FHIT: variants seen among roughly 807,000 people sequenced by gnomAD.
FHIT encodes fragile histidine triad diadenosine triphosphatase.
FHIT carries 19 observed loss-of-function variants against 17.9 expected under a neutral mutation model. The ratio of observed to expected loss-of-function variants is 1.06; its 90% confidence interval spans 0.74 to 1.56. The LOEUF (loss-of-function observed/expected upper bound fraction) is 1.56. Among genes scored for constraint, FHIT ranks in the 40% most tolerant of loss-of-function variants. The pLI is 0.00. For missense variants in FHIT, 248 were observed against 189.2 expected (o/e 1.31, Z -1.82); for synonymous variants, 81 against 69.7 (o/e 1.16, Z -0.81).
chr3:61,241,924 C>A (rs1396486837), intron 1 of FHIT, among the ~76,000 whole-genome samples: 1 of 152,170 alleles, frequency 6.6e-6, no homozygotes, highest in African/African-American at 2.4e-5. Context: ...GGCAAAAACA[C>A]TCTTTTTCCC....
chr3:60,181,929 A>G (rs1020602902), intron 5 of FHIT, among the ~76,000 whole-genome samples: 1 of 152,204 alleles, frequency 6.6e-6, no homozygotes, highest in Non-Finnish European at 1.5e-5. Flanking sequence ...CACCTTATGC[A>G]TGATGCTCTG....
intron 5 of FHIT, among the ~76,000 whole-genome samples, chr3:60,455,116 G>T (rs2032007171): frequency 6.6e-6 from 1 of 152,062 alleles, no homozygotes; most frequent in Non-Finnish European, 1.5e-5. Context: ...AAGATGGGGT[G>T]GGTGAGGTAG....
At chr3:60,778,924 A>G (rs1559715394) in intron 4 of FHIT, among the ~76,000 whole-genome samples, 1 of 152,250 alleles carries the variant, frequency 6.6e-6, no homozygotes. Context: ...TCAGTAAAGA[A>G]TGTCACTTTC....
chr3:61,110,372 G>A (rs1046025006), intron 2 of FHIT, among the ~76,000 whole-genome samples: 3 of 152,008 alleles, frequency 2.0e-5, no homozygotes, highest in Non-Finnish European at 2.9e-5. Flanking sequence ...CATCTTCAAT[G>A]TGGCCATGAG....
At chr3:60,596,680 A>T (rs143542312) in intron 4 of FHIT, among the ~76,000 whole-genome samples, 1 of 152,060 alleles carries the variant, frequency 6.6e-6, no homozygotes, top group African/African-American at 2.4e-5. Context: ...TAATGGCTAA[A>T]TCTCATCCAC....
intron 5 of FHIT, among the ~76,000 whole-genome samples, chr3:60,136,327 G>A (rs1699816651): frequency 1.3e-5 from 2 of 152,122 alleles, no homozygotes; most frequent in South Asian, 2.1e-4. Context: ...AGAGCCAAGG[G>A]CTATATATTC....
At chr3:60,543,382 T>C (rs2036248701) in intron 4 of FHIT, among the ~76,000 whole-genome samples, 1 of 152,126 alleles carries the variant, frequency 6.6e-6, no homozygotes, top group Admixed American at 6.5e-5. Flanking sequence ...CAAAAAAAAA[T>C]TCTTAGATGT....
intron 5 of FHIT, among the ~76,000 whole-genome samples, chr3:60,259,531 G>T (rs189078680): frequency 4.7e-4 from 72 of 152,184 alleles, no homozygotes; most frequent in African/African-American, 1.7e-3. Flanking sequence ...AATAATAATG[G>T]CTTACATTTG....
intron 2 of FHIT, among the ~76,000 whole-genome samples, chr3:61,151,924 G>A (rs1053143214): frequency 6.6e-6 from 1 of 152,144 alleles, no homozygotes; most frequent in Non-Finnish European, 1.5e-5. Context: ...ATATCAAGTA[G>A]ATATAAGCAT....
intron 5 of FHIT, among the ~76,000 whole-genome samples, chr3:60,019,419 T>A (rs536531424): frequency 0.024 from 3,558 of 147,268 alleles, 176 homozygotes; most frequent in African/African-American, 0.082. Context: ...ATGCTCCTTT[T>A]TTTTTTTTTT....
intron 3 of FHIT, among the ~76,000 whole-genome samples, chr3:60,871,815 G>GTATTTATT (rs771211120): frequency 2.6e-5 from 4 of 151,752 alleles, no homozygotes; most frequent in South Asian, 2.1e-4. Context: ...TTTTTTGAAT[G>GTATTTATT]TATTTATTTA....
At chr3:60,736,208 G>A (rs1553712553) in intron 4 of FHIT, among the ~76,000 whole-genome samples, 2 of 152,142 alleles carry the variant, frequency 1.3e-5, no homozygotes, top group Admixed American at 6.5e-5. Context: ...TTATAAAATG[G>A]TGCTTCAAAA....
intron 5 of FHIT, among the ~76,000 whole-genome samples, chr3:60,135,891 A>T (rs1246391401): frequency 2.0e-5 from 3 of 152,154 alleles, no homozygotes; most frequent in Non-Finnish European, 2.9e-5. Context: ...AGTGGCTCAA[A>T]ATCTAAATCC....
intron 3 of FHIT, among the ~76,000 whole-genome samples, chr3:60,975,500 A>G (rs1710194412): frequency 6.6e-6 from 1 of 152,222 alleles, no homozygotes; most frequent in African/African-American, 2.4e-5. Context: ...AGAGAGAAAG[A>G]TTACAAAAGA....
intron 5 of FHIT, among the ~76,000 whole-genome samples, chr3:60,209,534 C>G (rs1382976555): frequency 1.3e-5 from 2 of 152,150 alleles, no homozygotes; most frequent in Non-Finnish European, 1.5e-5. Flanking sequence ...CTTCCAGAGC[C>G]AAGAACTCTG....
chr3:61,179,012 T>C (rs1459824407), intron 2 of FHIT, among the ~76,000 whole-genome samples: 2 of 141,976 alleles, frequency 1.4e-5, no homozygotes, highest in Non-Finnish European at 3.1e-5. Context: ...CTTTTTCTTT[T>C]TTTTTTTTTT....
chr3:60,331,663 A>C (rs553408308), intron 5 of FHIT, among the ~76,000 whole-genome samples: 5 of 152,042 alleles, frequency 3.3e-5, no homozygotes, highest in Admixed American at 6.6e-5. Flanking sequence ...CCTGACCAAC[A>C]TGGAGAAACC....
Position 60,220,988 on chromosome 3 carries a change from C to A in FHIT, c.104-206836G>T, listed in dbSNP as rs538808706. On this transcript the variant is annotated intron_variant, in intron 5 of 9. Transcript: ENST00000492590. ...CAGCATGTGTCATTATGGCTCCTGG[C>A]GGCTATTAAAAGGGTGGGCTAGCAA... Among the ~76,000 whole-genome samples the A allele has an allele frequency of 7.2e-5, 11 of 152,140 alleles. No individual in the cohort carries two copies. The South Asian group carries it at 2.1e-3, about 29-fold the overall frequency.
chr3:61,165,701 G>A (rs2037816204), intron 2 of FHIT: 1 of 152,298 alleles, frequency 6.6e-6, no homozygotes, highest in Non-Finnish European at 1.5e-5. Flanking sequence ...CAGGTGTGGT[G>A]GCGCATGCCT....
Sources: gnomAD v4.1 joint callset for allele counts (sites outside exome capture counted in the v4.1 genomes callset) on GRCh38, gnomAD v4.1.1 for gene constraint, MANE v1.5 for transcripts, NCBI Gene and HGNC (gene_info 2026-07-23, HGNC 2026-07-21) for gene names.